The following HSPA14 variants were observed in gnomAD, a reference collection of about 807,000 sequenced individuals.
HSPA14 encodes heat shock 70 kDa protein 14.
HSPA14 carries 37 observed loss-of-function variants against 65.5 expected under a neutral mutation model. That is an observed-to-expected ratio of 0.56 (90% CI 0.43 to 0.74). The LOEUF is 0.74. Ranked by LOEUF, HSPA14 falls within the 30% of genes least tolerant of loss-of-function variation. HSPA14 has a pLI of 0.00. For synonymous variants in HSPA14, 203 were observed against 214.2 expected, an observed-to-expected ratio of 0.95 and a Z score of 0.46; for missense variants, 564 against 607.6, an observed-to-expected ratio of 0.93 and a Z score of 0.75.
At chr10:14,866,138 T>C (rs1337207446) in intron 10 of HSPA14, among the ~76,000 whole-genome samples, 1 of 152,232 alleles carries the variant, frequency 6.6e-6, no homozygotes, top group African/African-American at 2.4e-5. Context: ...ATTTTTGTTC[T>C]CCTGGTATTT....
chr10:14,863,811 G>A (rs1832777873), intron 10 of HSPA14, among the ~76,000 whole-genome samples: 1 of 152,072 alleles, frequency 6.6e-6, no homozygotes, highest in African/African-American at 2.4e-5. Context: ...TCACTTAGAA[G>A]GCCTTAGAGA....
At chr10:14,839,584 A>C (rs941098427) in intron 1 of HSPA14, among the ~76,000 whole-genome samples, 1 of 152,100 alleles carries the variant, frequency 6.6e-6, no homozygotes, top group Non-Finnish European at 1.5e-5. Context: ...AAAAAAAAAA[A>C]AAAGAAATGG....
At chr10:14,853,781 G>T (rs1267302126) in intron 8 of HSPA14, among the ~76,000 whole-genome samples, 1 of 152,162 alleles carries the variant, frequency 6.6e-6, no homozygotes, top group Admixed American at 6.5e-5. Flanking sequence ...GTGCAGTGGT[G>T]CAATCTCGGC....
In HSPA14 at chr10:14,842,170, T is replaced by C; in HGVS notation, c.221+2013T>C. On this transcript the variant is annotated intron_variant, in intron 3 of 13. Coordinates refer to ENST00000378372, the MANE Select transcript of HSPA14 (RefSeq NM_016299.4). The surrounding 1 kb of genome is among the most constrained non-coding windows in gnomAD (Gnocchi z 5.2). ...GTCCTTGGACCTGGCTTCTCAGCAA[T>C]TATCCCTGAGAGGGAAGATCCTGGA... The C allele has an allele frequency of 6.5e-7, 1 of 1,534,952 alleles. No homozygotes were observed. Among genetic ancestry groups the C allele is most frequent in the Non-Finnish European group, 8.7e-7 (1 of 1,146,792 alleles).
In HSPA14 at chr10:14,842,336, C is replaced by T. The variant is rs1833984256; in HGVS notation, c.221+2179C>T. 2.0e-6 allele frequency: 3 copies of T among 1,536,014 alleles called. No homozygotes were observed. The highest frequency in any genetic ancestry group is 2.6e-6 in the Non-Finnish European group (3 of 1,146,878). On this transcript the variant is annotated intron_variant, in intron 3 of 13. Transcript: ENST00000378372. This position sits in a 1 kb window ranked among gnomAD's most constrained non-coding sequence, Gnocchi z 5.2. ...CATCCGGTGGTCCAGACAGGAGACA[C>T]GAACTCTTCTCTCCATACTAGGCGA... is the stretch of plus-strand genomic sequence containing the variant.
chr10:14,854,591 C>T (rs1834132465), intron 9 of HSPA14, among the ~76,000 whole-genome samples: 1 of 152,176 alleles, frequency 6.6e-6, no homozygotes, highest in Admixed American at 6.5e-5. Flanking sequence ...CTTTGTGTTG[C>T]ATATTTGCTA....
At chr10:14,850,922 C>CTT in intron 6 of HSPA14, 3 of 195,774 alleles carry the variant, frequency 1.5e-5, no homozygotes, top group Non-Finnish European at 3.1e-5. Context: ...ATCTTTTGAA[C>CTT]TTTTTTTTTT....
intron 7 of HSPA14, among the ~76,000 whole-genome samples, chr10:14,852,162 C>G (rs951566776): frequency 7.2e-5 from 11 of 152,122 alleles, no homozygotes; most frequent in Admixed American, 7.2e-4. Flanking sequence ...ATCCACATGA[C>G]TGAGGAAAAA....
chr10:14,866,780 G>A (rs1361694425), intron 10 of HSPA14, among the ~76,000 whole-genome samples: 1 of 151,998 alleles, frequency 6.6e-6, no homozygotes, highest in Admixed American at 6.6e-5. Context: ...GACTATTTGT[G>A]GTTAAGCCTC....
intron 10 of HSPA14, among the ~76,000 whole-genome samples, chr10:14,866,657 A>G (rs534621848): frequency 1.3e-5 from 2 of 152,334 alleles, no homozygotes; most frequent in South Asian, 4.1e-4. Flanking sequence ...AGTTTATGGC[A>G]TAGTTTTCAC....
chr10:14,867,503 G>GT (rs1832817595), intron 11 of HSPA14, among the ~76,000 whole-genome samples: 1 of 152,030 alleles, frequency 6.6e-6, no homozygotes, highest in Non-Finnish European at 1.5e-5. Context: ...TAACCTCTTA[G>GT]TTTTTTAGAA....
Position 14,840,167 on chromosome 10 carries a change from C to A in HSPA14, c.221+10C>A. On this transcript the variant is annotated intron_variant, in intron 3 of 13. Coordinates refer to ENST00000378372, the MANE Select transcript of HSPA14 (RefSeq NM_016299.4). ...AGATCCTGGGCAGAAGGTATGGAAT[C>A]AAATGATACTTTTAAATATGGTAAT... The A allele has an allele frequency of 2.3e-6, 3 of 1,287,930 alleles. No homozygotes were observed. The highest frequency in any genetic ancestry group is 2.5e-5 in the East Asian group (1 of 40,024). The allele number at this position is 1,287,930 out of a possible 1,614,324, so 79.8% of individuals were successfully genotyped here. A position where few individuals can be genotyped will look rare whatever the true frequency, so the allele number is the denominator to read the frequency against.
chr10:14,867,345 C>T lies in HSPA14; in HGVS notation c.1206+50C>T, dbSNP rs201999327. On this transcript the variant is annotated intron_variant, in intron 11 of 13. Transcript: ENST00000378372. ...TTAAGGTATGTTTAGCTTTTCTATA[C>T]TTTACATAAAAATAGTAAATTAATT... 45 of 1,277,232 alleles carry T rather than the reference C, an allele frequency of 3.5e-5. No homozygotes were observed. The East Asian group carries it at 9.7e-4, about 28-fold the overall frequency. The allele number at this position is 1,277,232 out of a possible 1,614,324, so 79.1% of individuals were successfully genotyped here.
intron 3 of HSPA14, chr10:14,845,176 C>G: frequency 1.0e-6 from 1 of 985,446 alleles, no homozygotes; most frequent in Non-Finnish European, 1.2e-6. Flanking sequence ...TTCCGATTTA[C>G]TCTAGAAGGG....
chr10:14,845,029 C>G (rs1295731471), intron 3 of HSPA14: 4 of 985,234 alleles, frequency 4.1e-6, no homozygotes, highest in Non-Finnish European at 4.8e-6. Context: ...TCCTCTTTAA[C>G]TTTGGGAACA....
At chr10:14,843,261 G>A in intron 3 of HSPA14, 1 of 1,332,458 alleles carries the variant, frequency 7.5e-7, no homozygotes. Context: ...GTGGAAAGAG[G>A]CTTTCCAGGA....
intron 3 of HSPA14, among the ~76,000 whole-genome samples, chr10:14,840,881 A>G (rs76506091): frequency 1.1e-4 from 16 of 152,334 alleles, no homozygotes; most frequent in African/African-American, 3.8e-4. Context: ...CGCAAATACT[A>G]TCATTCCCCA....
At chr10:14,844,404 G>C in intron 3 of HSPA14, 1 of 994,224 alleles carries the variant, frequency 1.0e-6, no homozygotes, top group Non-Finnish European at 1.2e-6. Context: ...TTCATTGCTT[G>C]AATCTTTCCT....
At chr10:14,865,846 G>A (rs1291931492) in intron 10 of HSPA14, among the ~76,000 whole-genome samples, 1 of 152,098 alleles carries the variant, frequency 6.6e-6, no homozygotes, top group East Asian at 1.9e-4. Flanking sequence ...TTCCAATTCT[G>A]TGAAGAAAGT....
Sources: allele counts gnomAD v4.1 joint callset (sites outside exome capture counted in the v4.1 genomes callset), GRCh38; gene constraint gnomAD v4.1.1; non-coding constraint Gnocchi (gnomAD v3.1); transcripts MANE v1.5; gene names NCBI Gene and HGNC (gene_info 2026-07-23, HGNC 2026-07-21).